PATJ: variants seen among roughly 807,000 people sequenced by gnomAD.
PATJ encodes the protein inaD-like protein.
In PATJ, 190 loss-of-function variants were observed where a neutral mutation model predicts 224.9. That is an observed-to-expected ratio of 0.84 (90% CI 0.75 to 0.95). The LOEUF is 0.95. Among genes scored for constraint, PATJ ranks in the 40% least tolerant of loss-of-function variants. PATJ has a pLI of 0.00. For synonymous variants in PATJ, 769 were observed against 820.3 expected (o/e 0.94, Z 1.07); for missense variants, 2,121 against 2,270.3 (o/e 0.93, Z 1.34).
chr1:61,821,751 C>G (rs1657311223), intron 14 of PATJ, among the ~76,000 whole-genome samples: 1 of 152,102 alleles, frequency 6.6e-6, no homozygotes. Flanking sequence ...TTTTAGGTAT[C>G]AGACTATTGA....
intron 15 of PATJ, 31 bp downstream of exon 15, chr1:61,823,110 C>T: frequency 6.2e-7 from 1 of 1,611,378 alleles, no homozygotes; most frequent in Non-Finnish European, 8.5e-7. Context: ...AAGACACAGG[C>T]AAGAATCTGT....
At chr1:62,110,790 GC>G (rs1291881780) in intron 34 of PATJ, among the ~76,000 whole-genome samples, 1 of 152,174 alleles carries the variant, frequency 6.6e-6, no homozygotes, top group Non-Finnish European at 1.5e-5. Context: ...TCCCCACATG[GC>G]CCTTCCACCC....
Position 61,903,933 on chromosome 1 carries a change from C to T in PATJ, c.3381+2474C>T, listed in dbSNP as rs183690179. Among the ~76,000 whole-genome samples the T allele has an allele frequency of 3.4e-3, 514 of 152,010 alleles. 4 individuals carry two copies. The Middle Eastern group carries it at 0.037, about 11-fold the overall frequency. On this transcript the variant is annotated intron_variant, in intron 24 of 43. Transcript: ENST00000642238. Reference sequence around the variant, plus strand: ...GATTACAGGCACCCACCACCACGCCCGGCTAATTTTTGAATTTTTTGGTGG... The same window carrying T: ...GATTACAGGCACCCACCACCACGCCTGGCTAATTTTTGAATTTTTTGGTGG...
intron 17 of PATJ, among the ~76,000 whole-genome samples, chr1:61,836,041 G>A (rs968342740): frequency 6.6e-6 from 1 of 152,066 alleles, no homozygotes; most frequent in African/African-American, 2.4e-5. Context: ...CACATATTAA[G>A]TCAGAGAAAT....
At chr1:61,915,337 C>G (rs1027559790) in intron 26 of PATJ, among the ~76,000 whole-genome samples, 1 of 152,182 alleles carries the variant, frequency 6.6e-6, no homozygotes, top group African/African-American at 2.4e-5. Flanking sequence ...TAAGCTTTCT[C>G]TTTGTTCCAT....
At chr1:61,755,776 T>G (rs1645602033) in intron 1 of PATJ, among the ~76,000 whole-genome samples, 1 of 152,188 alleles carries the variant, frequency 6.6e-6, no homozygotes, top group Admixed American at 6.5e-5. Flanking sequence ...AATGAAATTT[T>G]CAAAAGACAT....
intron 43 of PATJ, among the ~76,000 whole-genome samples, chr1:62,157,343 C>T (rs1284923701): frequency 1.4e-5 from 2 of 147,840 alleles, no homozygotes; most frequent in Non-Finnish European, 3.0e-5. Flanking sequence ...AGTTATCTTG[C>T]TCAACTAAGA....
intron 39 of PATJ, among the ~76,000 whole-genome samples, chr1:62,123,903 A>G (rs1417795821): frequency 6.6e-6 from 1 of 152,028 alleles, no homozygotes; most frequent in Non-Finnish European, 1.5e-5. Context: ...CTTCCTCAGG[A>G]TTAATTCCTA....
chr1:62,142,099 C>T (rs1352653087), intron 41 of PATJ, among the ~76,000 whole-genome samples: 1 of 152,132 alleles, frequency 6.6e-6, no homozygotes, highest in African/African-American at 2.4e-5. Flanking sequence ...AGGCTGCTGT[C>T]ACATCTTGGC....
intron 27 of PATJ, among the ~76,000 whole-genome samples, chr1:61,963,178 C>T (rs1050863867): frequency 2.0e-5 from 3 of 152,190 alleles, no homozygotes; most frequent in African/African-American, 7.2e-5. Context: ...TTTTAAATCT[C>T]CCAAAACTTT....
intron 41 of PATJ, among the ~76,000 whole-genome samples, chr1:62,139,248 A>G (rs1200193639): frequency 1.3e-5 from 2 of 151,950 alleles, no homozygotes; most frequent in African/African-American, 2.4e-5. Context: ...CAAAAATTCA[A>G]AAAATAGCCG....
chr1:62,121,305 G>C lies in PATJ; in HGVS notation c.5005+10G>C. Reference sequence around the variant, plus strand: ...TCCCAGAAAAATTCAGGTATTACACGGACACACCCAGAGCAAAACTATCCT... The same window carrying C: ...TCCCAGAAAAATTCAGGTATTACACCGACACACCCAGAGCAAAACTATCCT... On this transcript the variant is annotated intron_variant, in intron 38 of 43. Transcript: ENST00000642238. 2 of 1,533,508 alleles carry C rather than the reference G, an allele frequency of 1.3e-6. No homozygotes were observed. The highest frequency in any genetic ancestry group is 2.3e-5 in the South Asian group (2 of 88,510). The allele number at this position is 1,533,508 out of a possible 1,614,324, so 95.0% of individuals were successfully genotyped here.
chr1:61,977,841 GT>G (rs1174339740), intron 27 of PATJ, among the ~76,000 whole-genome samples: 1 of 149,868 alleles, frequency 6.7e-6, no homozygotes, highest in Admixed American at 6.6e-5. Flanking sequence ...TGGGGCCTCT[GT>G]GAATAGCCAC....
At chr1:61,936,928 T>C (rs1676972585) in intron 27 of PATJ, among the ~76,000 whole-genome samples, 1 of 152,104 alleles carries the variant, frequency 6.6e-6, no homozygotes, top group Non-Finnish European at 1.5e-5. Flanking sequence ...ACTTAGGAAA[T>C]GTGATATAAA....
intron 33 of PATJ, among the ~76,000 whole-genome samples, chr1:62,089,671 C>CT (rs771741262): frequency 0.015 from 2,196 of 147,280 alleles, 25 homozygotes; most frequent in Non-Finnish European, 0.022. Flanking sequence ...TTTCATTTTT[C>CT]TTTTTTTTTT....
At chr1:61,901,545 T>A in intron 24 of PATJ, 86 bp downstream of exon 24, 1 of 951,332 alleles carries the variant, frequency 1.1e-6, no homozygotes, top group Non-Finnish European at 1.6e-6. Context: ...TTTCTTTATG[T>A]GTTGGGGACC....
rs1232178706 is a variant in PATJ, at chr1:61,884,390, G to C, written c.3113G>C (p.Arg1038Thr). 1 of 1,581,918 alleles carries C rather than the reference G, an allele frequency of 6.3e-7. No individual in the cohort carries two copies. The highest frequency in any genetic ancestry group is 8.6e-7 in the Non-Finnish European group (1 of 1,162,776). Residue 1038 changes from arginine to threonine, a missense_variant, in exon 22 of 44, where the codon AGA becomes ACA. Physicochemically the swap from Arg to Thr is moderately conservative, Grantham distance 71. Transcript: ENST00000642238. ...GCATACACAGGAATGTTGTCTTCTA[G>C]ATATGCCACTGATACATGGTATGAT... is the stretch of plus-strand genomic sequence containing the variant. ...ASAYTGMLSSRYATDTCELPE... is the reference protein window; with the variant it reads ...ASAYTGMLSSTYATDTCELPE...
At chr1:61,842,230 G>A (rs1661214405) in intron 17 of PATJ, among the ~76,000 whole-genome samples, 1 of 152,178 alleles carries the variant, frequency 6.6e-6, no homozygotes, top group Admixed American at 6.6e-5. Context: ...TTGAAATCCA[G>A]ATAGTACAGA....
At chr1:61,778,640 G>A (rs773217144) in intron 7 of PATJ, among the ~76,000 whole-genome samples, 1 of 152,138 alleles carries the variant, frequency 6.6e-6, no homozygotes, top group Non-Finnish European at 1.5e-5. Context: ...GAGTCCAGCT[G>A]TTTTAAGCCA....
Sources: gnomAD v4.1 joint callset for allele counts (sites outside exome capture counted in the v4.1 genomes callset) on GRCh38, gnomAD v4.1.1 for gene constraint, MANE v1.5 for transcripts, NCBI Gene and HGNC (gene_info 2026-07-23, HGNC 2026-07-21) for gene names.